Variants in DRICH1 observed in about 807,000 individuals in gnomAD.
The protein encoded by DRICH1 is aspartate rich 1, also known as aspartate-rich protein 1.
In DRICH1, 38 loss-of-function variants were observed where a neutral mutation model predicts 39.5. The ratio of observed to expected loss-of-function variants is 0.96; its 90% CI spans 0.74 to 1.26. The LOEUF (loss-of-function observed/expected upper bound fraction) is 1.26. Ranked by LOEUF, DRICH1 falls within the 50% of genes most tolerant of loss-of-function variation. The pLI is 0.00. For synonymous variants in DRICH1, 84 were observed against 99.5 expected (o/e 0.84, Z 0.93); for missense variants, 279 against 270.4 (o/e 1.03, Z -0.22).
chr22:23,585,162 G>C, the DRICH1 span, among the ~76,000 whole-genome samples: 2 of 151,860 alleles, frequency 1.3e-5, no homozygotes, highest in African/African-American at 4.8e-5. Context: ...TTTAGAGACA[G>C]GGTCTTGCTG....
chr22:23,583,621 G>A, the DRICH1 span: 2 of 152,402 alleles, frequency 1.3e-5, no homozygotes, highest in Non-Finnish European at 2.9e-5. Context: ...CAGCGCCAAA[G>A]GCTGCATGCC....
the DRICH1 span, among the ~76,000 whole-genome samples, chr22:23,589,973 T>G: frequency 6.6e-6 from 1 of 152,188 alleles, no homozygotes; most frequent in Non-Finnish European, 1.5e-5. Context: ...CCCAGTACCC[T>G]GATAGTTTGG....
In DRICH1 at chr22:23,608,680, C is replaced by T; in HGVS notation, c.*84G>A. On this transcript the variant is annotated 3_prime_UTR_variant, in exon 12 of 12. Transcript: ENST00000317749. ...CCTCAGAATGTAGAGAGGATTGAGA[C>T]CTCCAGGGGCAAAGCTGGGGACCCT... The T allele has an allele frequency of 7.4e-7, 1 of 1,354,666 alleles. No homozygotes were observed. Among genetic ancestry groups the T allele is most frequent in the South Asian group, 1.2e-5 (1 of 80,136 alleles). 83.9% of individuals were successfully genotyped at this position (1,354,666 alleles called of 1,614,324 possible). A position where few individuals can be genotyped will look rare whatever the true frequency, so the allele number is the denominator to read the frequency against.
At chr22:23,613,424 T>C in intron 10 of DRICH1, 94 bp from the exon 11 acceptor site, 1 of 1,076,320 alleles carries the variant, frequency 9.3e-7, no homozygotes, top group South Asian at 1.3e-5. Context: ...GATGAGCTAG[T>C]CTCCCACTCC....
At chr22:23,606,811 C>G (rs546208127), downstream of DRICH1, among the ~76,000 whole-genome samples, 230 of 152,314 alleles carry the variant, frequency 1.5e-3, no homozygotes, top group Non-Finnish European at 2.6e-3. Flanking sequence ...TCCCTGGGTC[C>G]TCTGCGCCTG....
chr22:23,614,125 G>T lies in DRICH1; in HGVS notation c.621+10C>A, dbSNP rs766220613. The T allele has an allele frequency of 6.3e-7, 1 of 1,587,558 alleles. No individual in the cohort carries two copies. The highest frequency in any genetic ancestry group is 1.3e-5 in the African/African-American group (1 of 74,310). On this transcript the variant is annotated intron_variant, in intron 9 of 11. Transcript: ENST00000317749. ...CATTGCTGTAGAAGACAAAAAAAGG[G>T]AGGTCTTACGTGGATGTCATCATCA...
At chr22:23,615,130 T>G (rs1429678496) in intron 8 of DRICH1, among the ~76,000 whole-genome samples, 1 of 152,164 alleles carries the variant, frequency 6.6e-6, no homozygotes, top group African/African-American at 2.4e-5. Context: ...TCCCAGCAGT[T>G]TGGGAGGCTG....
At chr22:23,588,993 C>T in the DRICH1 span, among the ~76,000 whole-genome samples, 89 of 152,100 alleles carry the variant, frequency 5.9e-4, no homozygotes, top group African/African-American at 1.8e-3. Context: ...TGAAACTAGG[C>T]TCATATAACC....
the DRICH1 span, among the ~76,000 whole-genome samples, chr22:23,582,968 G>A: frequency 2.6e-5 from 4 of 152,112 alleles, no homozygotes; most frequent in African/African-American, 9.7e-5. Flanking sequence ...GCTTCCAAAT[G>A]CCAGTCTTCA....
intron 3 of DRICH1, among the ~76,000 whole-genome samples, chr22:23,623,494 T>G (rs550326665): frequency 7.0e-4 from 106 of 152,282 alleles, no homozygotes; most frequent in African/African-American, 2.3e-3. Flanking sequence ...ATAAAGATTC[T>G]AGAAAGTAAA....
the DRICH1 span, among the ~76,000 whole-genome samples, chr22:23,593,609 G>A: frequency 1.3e-4 from 20 of 152,316 alleles, no homozygotes; most frequent in African/African-American, 4.6e-4. Flanking sequence ...GACCATTCTG[G>A]TGAACATGGT....
chr22:23,632,148 CT>C lies in DRICH1; in HGVS notation c.-126del. 2.7e-6 allele frequency: 4 copies of C among 1,479,356 alleles called. No individual in the cohort carries two copies. The highest frequency in any genetic ancestry group is 2.7e-6 in the Non-Finnish European group (3 of 1,104,176). The allele number at this position is 1,479,356 out of a possible 1,614,324, so 91.6% of individuals were successfully genotyped here. A position where few individuals can be genotyped will look rare whatever the true frequency, so the allele number is the denominator to read the frequency against. ...AGAAGCAGCCTGACCCCAGGCAGAT[CT>C]GGGTCCTCAGCCCTTATTCTGCCGC... is the stretch of plus-strand genomic sequence containing the variant. On this transcript the variant is annotated 5_prime_UTR_variant, in exon 1 of 12. Coordinates refer to ENST00000317749, the MANE Select transcript of DRICH1 (RefSeq NM_016449.4).
At chr22:23,607,819 T>C (rs1292523418), downstream of DRICH1, among the ~76,000 whole-genome samples, 1 of 152,198 alleles carries the variant, frequency 6.6e-6, no homozygotes, top group Non-Finnish European at 1.5e-5. Flanking sequence ...GTGACCACCA[T>C]CCTTGCCATC....
At chr22:23,630,661 A>G (rs1928335079) in intron 1 of DRICH1, 1 of 152,166 alleles carries the variant, frequency 6.6e-6, no homozygotes, top group Non-Finnish European at 1.5e-5. Context: ...CACATTTACA[A>G]ACACTACACA....
At chr22:23,629,090 G>A (rs1602353253) in intron 1 of DRICH1, among the ~76,000 whole-genome samples, 1 of 152,284 alleles carries the variant, frequency 6.6e-6, no homozygotes, top group East Asian at 1.9e-4. Flanking sequence ...TGAGGCTGGA[G>A]TGCAATGGCT....
chr22:23,632,673 T>TGA (rs1569099480), upstream of DRICH1: 1 of 126,474 alleles, frequency 7.9e-6, no homozygotes, highest in African/African-American at 2.9e-5. Flanking sequence ...TTTGGGAGGC[T>TGA]GAGCGGGGGG....
chr22:23,617,757 C>T, intron 6 of DRICH1, 100 bp from the exon 7 acceptor site: 1 of 1,139,414 alleles, frequency 8.8e-7, no homozygotes, highest in South Asian at 1.2e-5. Context: ...GGTTGATTAA[C>T]AAACATGGAC....
intron 7 of DRICH1, 76 bp from the exon 8 acceptor site, chr22:23,616,950 CT>C: frequency 6.5e-7 from 1 of 1,533,892 alleles, no homozygotes; most frequent in Non-Finnish European, 9.0e-7. Context: ...CTGTTAGTCT[CT>C]TGATGACTTC....
intron 2 of DRICH1, among the ~76,000 whole-genome samples, chr22:23,625,548 C>A (rs1230620040): frequency 2.0e-5 from 3 of 152,198 alleles, no homozygotes; most frequent in African/African-American, 7.2e-5. Flanking sequence ...TACTAGCCTG[C>A]AAAATAGCTC....
Sources: gnomAD v4.1 joint callset for allele counts (sites outside exome capture counted in the v4.1 genomes callset) on GRCh38, gnomAD v4.1.1 for gene constraint, MANE v1.5 for transcripts, NCBI Gene and HGNC (gene_info 2026-07-23, HGNC 2026-07-21) for gene names.